TKTL1: variants seen among roughly 807,000 people sequenced by gnomAD.
The protein encoded by TKTL1 is transketolase-like protein 1.
In TKTL1, 1 loss-of-function variant was observed where a neutral mutation model predicts 39.3. The ratio of observed to expected loss-of-function variants is 0.03; its 90% confidence interval spans 0.01 to 0.12. The LOEUF (loss-of-function observed/expected upper bound fraction) is 0.12. Ranked by LOEUF, TKTL1 falls within the 10% of genes least tolerant of loss-of-function variation. The probability of loss-of-function intolerance (pLI) is 1.00; values close to 1 mark genes in which losing one functional copy is unlikely to be tolerated. For synonymous variants in TKTL1, 262 were observed against 193.8 expected (o/e 1.35, Z -2.92); for missense variants, 575 against 509.6 (o/e 1.13, Z -1.24).
At chrX:154,327,529 C>T (rs1557172216) in intron 10 of TKTL1, 62 bp from the exon 11 acceptor site, 3 of 1,026,564 alleles carry the variant, frequency 2.9e-6, no homozygotes, top group Non-Finnish European at 2.7e-6. Flanking sequence ...AAGTGCCTTC[C>T]ACTTTGACAT....
At chrX:154,318,095 G>A (rs1242750656) in intron 7 of TKTL1, among the ~76,000 whole-genome samples, 2 of 110,753 alleles carry the variant, frequency 1.8e-5, no homozygotes, top group Non-Finnish European at 3.8e-5. Flanking sequence ...TAGAGATGGA[G>A]TCTTGCTCTG....
At chrX:154,326,727 G>A (rs1452861560) in intron 10 of TKTL1, among the ~76,000 whole-genome samples, 3 of 112,628 alleles carry the variant, frequency 2.7e-5, no homozygotes, top group African/African-American at 6.5e-5. Flanking sequence ...TATTTCTGTC[G>A]TCTCTTTTCT....
chrX:154,327,775 T>C, intron 11 of TKTL1, 64 bp from the exon 12 acceptor site: 1 of 1,206,531 alleles, frequency 8.3e-7, no homozygotes, highest in Non-Finnish European at 1.1e-6. Context: ...CTCTTTTTAT[T>C]TTTATCCCTG....
Position 154,305,435 on chromosome X carries a change from G to A in TKTL1, c.252+14G>A, listed in dbSNP as rs373273748. 67 of 1,201,019 alleles carry A rather than the reference G, an allele frequency of 5.6e-5. No homozygotes were observed. Among genetic ancestry groups the A allele is most frequent in the Non-Finnish European group, 7.0e-5 (62 of 888,946 alleles). ...GTCCTCGCAAAGGTATGCCGGTGGG[G>A]AGCCCAGGGCTGCTGTGGCGCCTGC... On this transcript the variant is annotated intron_variant, in intron 2 of 12. Coordinates refer to ENST00000369915, the MANE Select transcript of TKTL1 (RefSeq NM_012253.4).
intron 7 of TKTL1, chrX:154,320,469 C>T (rs782032873): frequency 1.2e-5 from 4 of 346,791 alleles, no homozygotes. Flanking sequence ...AGGACAGATT[C>T]AGGATGTCCT....
intron 6 of TKTL1, 67 bp downstream of exon 6, chrX:154,312,840 G>T: frequency 2.0e-6 from 2 of 1,011,376 alleles, no homozygotes; most frequent in Non-Finnish European, 2.7e-6. Context: ...AATGTTGTTC[G>T]TATGTACACA....
intron 7 of TKTL1, among the ~76,000 whole-genome samples, chrX:154,319,253 A>G (rs1390716274): frequency 8.9e-6 from 1 of 112,585 alleles, no homozygotes; most frequent in African/African-American, 3.2e-5. Context: ...AAAGTTGTTT[A>G]TAAAAGTTAT....
intron 1 of TKTL1, among the ~76,000 whole-genome samples, chrX:154,300,008 G>GTTTTTTT (rs2067260721): frequency 1.0e-5 from 1 of 98,068 alleles, no homozygotes; most frequent in African/African-American, 4.3e-5. Flanking sequence ...ACTACTTTTA[G>GTTTTTTT]TATTTTTTTT....
At chrX:154,296,052 C>T in intron 1 of TKTL1, 59 bp downstream of exon 1, 1 of 1,175,861 alleles carries the variant, frequency 8.5e-7, no homozygotes. Context: ...TGGCTTCAGG[C>T]CTGGTGGCCA....
intron 3 of TKTL1, among the ~76,000 whole-genome samples, chrX:154,310,168 A>G (rs1337969832): frequency 2.7e-5 from 3 of 111,469 alleles, no homozygotes; most frequent in Non-Finnish European, 5.7e-5. Context: ...CAGAACTAGC[A>G]GGTGGCGGCG....
At position 154,329,754 on chromosome X, in the gene TKTL1, T is replaced by C; in HGVS notation, c.*66T>C. 1 of 1,115,923 alleles carries C rather than the reference T, an allele frequency of 9.0e-7. No homozygotes were observed. The allele number at this position is 1,115,923 out of a possible 1,213,427, so 92.0% of individuals were successfully genotyped here. On this transcript the variant is annotated 3_prime_UTR_variant, in exon 13 of 13. Coordinates refer to ENST00000369915, the MANE Select transcript of TKTL1 (RefSeq NM_012253.4). Reference sequence around the variant, plus strand: ...GTTTATGTTTGTTCCAAAACCATCATTTAAATCTCTACTGTCACATTTTGT... The same window carrying C: ...GTTTATGTTTGTTCCAAAACCATCACTTAAATCTCTACTGTCACATTTTGT...
chrX:154,296,048 C>G, intron 1 of TKTL1, 55 bp downstream of exon 1: 1 of 1,185,954 alleles, frequency 8.4e-7, no homozygotes, highest in South Asian at 1.9e-5. Flanking sequence ...CCGGTGGCTT[C>G]AGGCCTGGTG....
chrX:154,327,452 T>A (rs1443633304), intron 10 of TKTL1, 139 bp from the exon 11 acceptor site: 1 of 594,624 alleles, frequency 1.7e-6, no homozygotes, highest in African/African-American at 2.2e-5. Flanking sequence ...TGTAAATGCA[T>A]CTGATTTTTT....
intron 1 of TKTL1, among the ~76,000 whole-genome samples, chrX:154,299,467 T>A (rs2067256649): frequency 9.0e-6 from 1 of 111,179 alleles, no homozygotes; most frequent in Admixed American, 9.7e-5. Context: ...TCATTTTCTT[T>A]TTTTAATTTT....
At chrX:154,317,386 G>C (rs1019706416) in intron 7 of TKTL1, among the ~76,000 whole-genome samples, 4 of 111,701 alleles carry the variant, frequency 3.6e-5, no homozygotes, top group Admixed American at 9.5e-5. Flanking sequence ...GTGCAGATGT[G>C]GGAGACAGCA....
Position 154,325,399 on chromosome X carries a change from C to T in TKTL1, c.1378C>T (p.Arg460Cys), listed in dbSNP as rs782621324. Residue 460 changes from arginine to cysteine, a missense_variant, in exon 10 of 13, where the codon CGC (arginine) becomes TGC (cysteine). Arg to Cys is a radical substitution (Grantham distance 180, BLOSUM62 -3). Transcript: ENST00000369915. ...TATGGTTATTTACACCCCACAAGAACGCTTTGAGATCGGACAGGCCAAGGT... is the reference window on the plus strand; with the variant it reads ...TATGGTTATTTACACCCCACAAGAATGCTTTGAGATCGGACAGGCCAAGGT... Reference protein sequence around the residue: ...ETMVIYTPQERFEIGQAKVLR... With the variant: ...ETMVIYTPQECFEIGQAKVLR... 22 of 1,210,193 alleles carry T rather than the reference C, an allele frequency of 1.8e-5. No individual in the cohort carries two copies. The highest frequency in any genetic ancestry group is 1.1e-4 in the South Asian group (6 of 56,850).
chrX:154,329,824 C>T lies in TKTL1; in HGVS notation c.*136C>T, dbSNP rs782167551. ...CTAACACCTTCATTCATCCCTAGTT[C>T]GGAAATTCAAGCTAACTACTTACCC... On this transcript the variant is annotated 3_prime_UTR_variant, in exon 13 of 13. Coordinates refer to ENST00000369915, the MANE Select transcript of TKTL1 (RefSeq NM_012253.4). 28 of 714,093 alleles carry T rather than the reference C, an allele frequency of 3.9e-5. No individual in the cohort carries two copies. Among genetic ancestry groups the T allele is most frequent in the Non-Finnish European group, 4.9e-5 (24 of 492,166 alleles). 58.8% of individuals were successfully genotyped at this position (714,093 alleles called of 1,213,427 possible). A position where few individuals can be genotyped will look rare whatever the true frequency, so the allele number is the denominator to read the frequency against.
intron 1 of TKTL1, among the ~76,000 whole-genome samples, chrX:154,298,369 A>G (rs1445222707): frequency 9.0e-6 from 1 of 111,483 alleles, no homozygotes; most frequent in African/African-American, 3.3e-5. Context: ...GGTGCACACC[A>G]CCATGCCCTG....
chrX:154,323,409 G>T (rs2067467827), intron 9 of TKTL1, 72 bp downstream of exon 9: 2 of 1,095,288 alleles, frequency 1.8e-6, no homozygotes, highest in African/African-American at 1.9e-5. Flanking sequence ...CTGATGATTG[G>T]ACTTTTTTTT....
Sources: gnomAD v4.1 joint callset for allele counts (sites outside exome capture counted in the v4.1 genomes callset) on GRCh38, gnomAD v4.1.1 for gene constraint, MANE v1.5 for transcripts, NCBI Gene and HGNC (gene_info 2026-07-23, HGNC 2026-07-21) for gene names.